The following VMP1 variants were observed in gnomAD, a reference collection of about 807,000 sequenced individuals.
The protein encoded by VMP1 is vacuole membrane protein 1.
A neutral mutation model predicts 56.0 loss-of-function variants in VMP1; 11 were observed. The ratio of observed to expected loss-of-function variants is 0.20; its 90% CI spans 0.12 to 0.32. The LOEUF is 0.32. Ranked by LOEUF, VMP1 falls within the 10% of genes least tolerant of loss-of-function variation. The pLI, the probability that VMP1 is intolerant of heterozygous loss-of-function variation, is 1.00. For missense variants in VMP1, 296 were observed against 490.3 expected, an observed-to-expected ratio of 0.60 and a Z score of 3.74; for synonymous variants, 149 against 165.0, an observed-to-expected ratio of 0.90 and a Z score of 0.74.
chr17:59,821,603 T>C (rs2038456434), intron 10 of VMP1, among the ~76,000 whole-genome samples: 1 of 147,110 alleles, frequency 6.8e-6, no homozygotes, highest in African/African-American at 2.6e-5. Flanking sequence ...TGGAGTGCAA[T>C]GGTGCGATCT....
At chr17:59,734,587 G>C (rs2034948991) in intron 2 of VMP1, among the ~76,000 whole-genome samples, 1 of 152,126 alleles carries the variant, frequency 6.6e-6, no homozygotes, top group Non-Finnish European at 1.5e-5. Context: ...AAAAATATTA[G>C]TTGGGTGCGG....
chr17:59,824,497 C>T (rs1282793654), intron 10 of VMP1, among the ~76,000 whole-genome samples: 6 of 149,940 alleles, frequency 4.0e-5, no homozygotes, highest in Admixed American at 3.4e-4. Context: ...CACTTGAACC[C>T]GGGAGGTGGA....
chr17:59,772,832 T>C (rs1446929847), intron 6 of VMP1, among the ~76,000 whole-genome samples: 1 of 151,670 alleles, frequency 6.6e-6, no homozygotes. Flanking sequence ...GCTTTCTGAC[T>C]ACAATTTGTT....
At chr17:59,754,701 T>C (rs201661923) in intron 5 of VMP1, among the ~76,000 whole-genome samples, 2 of 152,028 alleles carry the variant, frequency 1.3e-5, no homozygotes, top group East Asian at 3.9e-4. Context: ...TAGAAAAAAA[T>C]CTATTTGCCT....
chr17:59,730,904 A>G (rs1444852932), intron 1 of VMP1, among the ~76,000 whole-genome samples: 1 of 151,922 alleles, frequency 6.6e-6, no homozygotes, highest in Non-Finnish European at 1.5e-5. Context: ...AAACTGGTCT[A>G]TGATCTTAGA....
intron 5 of VMP1, among the ~76,000 whole-genome samples, chr17:59,756,696 C>T (rs1033668826): frequency 6.6e-6 from 1 of 152,174 alleles, no homozygotes; most frequent in Non-Finnish European, 1.5e-5. Context: ...ACACACAACA[C>T]ACATTCTGCA....
In VMP1 at chr17:59,780,141, G is replaced by T. The variant is rs189437885; in HGVS notation, c.714+6256G>T. 2.6e-3 allele frequency among the ~76,000 whole-genome samples: 392 copies of T among 152,186 alleles called. 1 individual carries two copies. Among genetic ancestry groups the T allele is most frequent in the African/African-American group, 8.4e-3 (349 of 41,510 alleles). On this transcript the variant is annotated intron_variant, in intron 7 of 11. Coordinates refer to ENST00000262291, the MANE Select transcript of VMP1 (RefSeq NM_030938.5). ...ACACAATACTTCTGTTGGTTATGAG[G>T]TTTGGCTATTTTCATCCTGTAAAGC...
chr17:59,738,405 A>G, intron 4 of VMP1, among the ~76,000 whole-genome samples: 1 of 152,258 alleles, frequency 6.6e-6, no homozygotes, highest in Non-Finnish European at 1.5e-5. Flanking sequence ...CTAGAATGGT[A>G]TTTTAAAACA....
At chr17:59,787,479 G>T (rs76973026) in intron 7 of VMP1, among the ~76,000 whole-genome samples, 5,070 of 152,114 alleles carry the variant, frequency 0.033, 122 homozygotes, top group Non-Finnish European at 0.05. Flanking sequence ...TTTTACATGC[G>T]CATTTCTGTA....
chr17:59,769,154 CTT>C lies in VMP1; in HGVS notation c.582+4032_582+4033del, dbSNP rs61495451. ...TATAAATAAATAAATAAAATGAAAA[CTT>C]TTTTTTTTTTTTTTTAAAGACAGAG... On this transcript the variant is annotated intron_variant, in intron 6 of 11. Coordinates refer to ENST00000262291, the MANE Select transcript of VMP1 (RefSeq NM_030938.5). 8.3e-3 allele frequency among the ~76,000 whole-genome samples: 1,137 copies of C among 137,654 alleles called. 10 individuals are homozygous for C. Among genetic ancestry groups the C allele is most frequent in the African/African-American group, 0.018 (671 of 37,122 alleles). 90.3% of individuals were successfully genotyped at this position (137,654 alleles called of 152,430 possible). A position where few individuals can be genotyped will look rare whatever the true frequency, so the allele number is the denominator to read the frequency against.
rs766864144 is a variant in VMP1 at position 59,832,182 on chromosome 17, CTTTTTTTTT to C, written c.975-6097_975-6089del. Among the ~76,000 whole-genome samples, 395 of 102,810 alleles carry C rather than the reference CTTTTTTTTT, an allele frequency of 3.8e-3. 2 individuals are homozygous for C. Among genetic ancestry groups the C allele is most frequent in the African/African-American group, 0.014 (355 of 24,644 alleles). The allele number at this position is 102,810 out of a possible 152,430, so 67.4% of individuals were successfully genotyped here. On this transcript the variant is annotated intron_variant, in intron 10 of 11. Coordinates refer to ENST00000262291, the MANE Select transcript of VMP1 (RefSeq NM_030938.5). ...AGCAAGGAAAAGCAAATGAGATCAA[CTTTTTTTTT>C]TTTTTTTTTTTTTTTGTCACCTAGA...
chr17:59,737,874 A>G (rs1413654480), intron 4 of VMP1, among the ~76,000 whole-genome samples: 3 of 151,824 alleles, frequency 2.0e-5, no homozygotes, highest in Non-Finnish European at 4.4e-5. Flanking sequence ...GGTTCAAGCA[A>G]TTCTCCTGCT....
intron 5 of VMP1, 74 bp downstream of exon 5, chr17:59,739,021 A>G: frequency 8.3e-7 from 1 of 1,208,668 alleles, no homozygotes; most frequent in Non-Finnish European, 1.2e-6. Flanking sequence ...TGTCAGAAGT[A>G]AAAATTCTAA....
At chr17:59,729,296 A>ACC (rs1354104296) in intron 1 of VMP1, among the ~76,000 whole-genome samples, 1 of 152,064 alleles carries the variant, frequency 6.6e-6, no homozygotes, top group Non-Finnish European at 1.5e-5. Context: ...CAGCCTAACC[A>ACC]ACATGGTGAA....
At chr17:59,713,260 GGAA>G (rs1480791310) in intron 1 of VMP1, among the ~76,000 whole-genome samples, 2 of 151,498 alleles carry the variant, frequency 1.3e-5, no homozygotes, top group African/African-American at 4.9e-5. Flanking sequence ...GTGGGTTGGG[GGAA>G]GGAGGGAGGG....
intron 9 of VMP1, among the ~76,000 whole-genome samples, chr17:59,813,774 C>A (rs982582868): frequency 2.0e-5 from 3 of 152,106 alleles, no homozygotes; most frequent in Non-Finnish European, 4.4e-5. Context: ...ATAACAAGAA[C>A]TTCTCTAGTA....
intron 7 of VMP1, among the ~76,000 whole-genome samples, chr17:59,786,194 C>T (rs752957932): frequency 4.6e-5 from 7 of 151,854 alleles, no homozygotes; most frequent in African/African-American, 1.5e-4. Flanking sequence ...ATTTATCTAG[C>T]GAACATCCCT....
intron 6 of VMP1, among the ~76,000 whole-genome samples, chr17:59,766,015 A>G (rs2036219874): frequency 6.6e-6 from 1 of 151,902 alleles, no homozygotes; most frequent in African/African-American, 2.4e-5. Context: ...TTAAAATTTT[A>G]CTTTTATTTA....
chr17:59,835,368 C>T (rs1001420453), intron 10 of VMP1, among the ~76,000 whole-genome samples: 1 of 152,114 alleles, frequency 6.6e-6, no homozygotes, highest in Middle Eastern at 3.2e-3. Flanking sequence ...ACCTCGTGAT[C>T]TGCCCACCTC....
Sources: gnomAD v4.1 joint callset for allele counts (sites outside exome capture counted in the v4.1 genomes callset) on GRCh38, gnomAD v4.1.1 for gene constraint, MANE v1.5 for transcripts, NCBI Gene and HGNC (gene_info 2026-07-23, HGNC 2026-07-21) for gene names.